PITPNC1: variants seen among roughly 807,000 people sequenced by gnomAD.
PITPNC1 encodes the protein phosphatidylinositol transfer protein cytoplasmic 1.
Under a neutral mutation model 44.7 loss-of-function variants are expected in PITPNC1, and 18 were observed. The observed-to-expected ratio is 0.40, with a 90% CI of 0.28 to 0.60. The LOEUF (loss-of-function observed/expected upper bound fraction) is 0.60, where lower values mean the gene tolerates loss of function less well. Among genes scored for constraint, PITPNC1 ranks in the 20% least tolerant of loss-of-function variants. The pLI is 0.39. For synonymous variants in PITPNC1, 141 were observed against 149.6 expected, an observed-to-expected ratio of 0.94 and a Z score of 0.42; for missense variants, 290 against 418.4, an observed-to-expected ratio of 0.69 and a Z score of 2.68.
chr17:67,425,203 G>GCACACGCACACACA (rs2038739427), intron 1 of PITPNC1, among the ~76,000 whole-genome samples: 1 of 98,780 alleles, frequency 1.0e-5, no homozygotes, highest in Admixed American at 1.0e-4. Flanking sequence ...GCACGCACAC[G>GCACACGCACACACA]CACACACACA....
chr17:67,684,258 G>A (rs1394413362), intron 8 of PITPNC1, among the ~76,000 whole-genome samples: 2 of 151,518 alleles, frequency 1.3e-5, no homozygotes, highest in African/African-American at 4.8e-5. Context: ...GGTTACGGGT[G>A]TGTGCCACCA....
intron 6 of PITPNC1, among the ~76,000 whole-genome samples, chr17:67,637,371 A>C (rs1415539400): frequency 6.6e-6 from 1 of 152,074 alleles, no homozygotes; most frequent in Admixed American, 6.6e-5. Context: ...CAGCGTCCTA[A>C]ATAGAAACGC....
intron 6 of PITPNC1, among the ~76,000 whole-genome samples, chr17:67,633,352 A>G (rs1285026167): frequency 6.6e-6 from 1 of 152,222 alleles, no homozygotes; most frequent in Non-Finnish European, 1.5e-5. Context: ...TTACGCAAAT[A>G]AACCAGGCTC....
Position 67,555,672 on chromosome 17 carries a change from CAAAAAAAAA to C in PITPNC1, c.294+2068_294+2076del, listed in dbSNP as rs67935513. ...TGAAACCCTGTCTCTACTAAAAATA[CAAAAAAAAA>C]AAAAAAAAAAAAGGTAGTTGGGTGT... On this transcript the variant is annotated intron_variant, in intron 4 of 8. Transcript: ENST00000581322. Among the ~76,000 whole-genome samples the C allele has an allele frequency of 4.6e-4, 36 of 78,150 alleles. 1 individual carries two copies. The highest frequency in any genetic ancestry group is 6.4e-4 in the Admixed American group (5 of 7,828). 51.3% of individuals were successfully genotyped at this position (78,150 alleles called of 152,430 possible). A position where few individuals can be genotyped will look rare whatever the true frequency, so the allele number is the denominator to read the frequency against.
chr17:67,435,839 G>A lies in PITPNC1; in HGVS notation c.48+57637G>A, dbSNP rs145335516. On this transcript the variant is annotated intron_variant, in intron 1 of 8. Coordinates refer to ENST00000581322, the MANE Select transcript of PITPNC1 (RefSeq NM_012417.4). ...TGTACTCCAGCCTGGACAACAGAGC[G>A]GGACTTTGTCTACCACCGCACCCTC... Among the ~76,000 whole-genome samples, 688 of 152,132 alleles carry A rather than the reference G, an allele frequency of 4.5e-3. 4 individuals carry two copies. Among genetic ancestry groups the A allele is most frequent in the South Asian group, 8.1e-3 (39 of 4,816 alleles).
At chr17:67,445,121 CTGTT>C (rs1227272526) in intron 1 of PITPNC1, among the ~76,000 whole-genome samples, 3 of 151,928 alleles carry the variant, frequency 2.0e-5, no homozygotes, top group Admixed American at 1.3e-4. Flanking sequence ...GGGACAAAGT[CTGTT>C]TGGGCAGACA....
chr17:67,493,125 G>A (rs1402714349), intron 1 of PITPNC1, among the ~76,000 whole-genome samples: 1 of 152,154 alleles, frequency 6.6e-6, no homozygotes, highest in Non-Finnish European at 1.5e-5. Flanking sequence ...GTGTGAAATG[G>A]AGAATCCAAT....
chr17:67,408,095 C>T (rs2038428247), intron 1 of PITPNC1, among the ~76,000 whole-genome samples: 1 of 151,708 alleles, frequency 6.6e-6, no homozygotes, highest in South Asian at 2.1e-4. Flanking sequence ...GCTGGGATTA[C>T]AGGCATGCAC....
intron 1 of PITPNC1, among the ~76,000 whole-genome samples, chr17:67,462,425 T>A (rs1277794381): frequency 6.6e-6 from 1 of 151,808 alleles, no homozygotes; most frequent in African/African-American, 2.4e-5. Context: ...AGAAATGGGG[T>A]TTCACTATGT....
chr17:67,389,473 T>C (rs2038104362), intron 1 of PITPNC1, among the ~76,000 whole-genome samples: 1 of 152,212 alleles, frequency 6.6e-6, no homozygotes, highest in South Asian at 2.1e-4. Flanking sequence ...TCCTGCTCTG[T>C]GCCGGGTGCT....
intron 2 of PITPNC1, among the ~76,000 whole-genome samples, chr17:67,538,471 A>G (rs918007590): frequency 2.0e-5 from 3 of 152,170 alleles, no homozygotes; most frequent in Non-Finnish European, 4.4e-5. Context: ...GTGGTGGCAC[A>G]CAGCTGTGGT....
chr17:67,522,774 C>T (rs148458139), intron 1 of PITPNC1, among the ~76,000 whole-genome samples: 16 of 151,418 alleles, frequency 1.1e-4, no homozygotes, highest in Non-Finnish European at 4.4e-5. Context: ...GCGATCATCC[C>T]GCCTCAGCCT....
rs781598435 is a variant in PITPNC1 at position 67,632,177 on chromosome 17, A to T, written c.401A>T (p.Glu134Val). The change falls in exon 6 of 9, where the codon GAA (glutamate) becomes GTA (valine). Residue 134 changes from glutamate to valine, a missense_variant. Transcript: ENST00000581322. Reference sequence around the variant, plus strand: ...AATGAAGCCAAAGACGTGGAGAGAGAAGTTTGCTTTATTGATATTGCCTGC... The same window carrying T: ...AATGAAGCCAAAGACGTGGAGAGAGTAGTTTGCTTTATTGATATTGCCTGC... ...FDNEAKDVER[E>V]VCFIDIACDE... 6.2e-7 allele frequency: 1 copy of T among 1,613,120 alleles called. No individual in the cohort carries two copies. The highest frequency in any genetic ancestry group is 8.5e-7 in the Non-Finnish European group (1 of 1,179,212).
rs150554701 is a variant in PITPNC1, at chr17:67,529,776, G to A, written c.49-3026G>A. Among the ~76,000 whole-genome samples the A allele has an allele frequency of 4.3e-3, 656 of 152,200 alleles. 6 individuals carry two copies. Among genetic ancestry groups the A allele is most frequent in the African/African-American group, 0.015 (617 of 41,530 alleles). On this transcript the variant is annotated intron_variant, in intron 1 of 8. Transcript: ENST00000581322. ...AGCCTGGCCAACATGGTGAAACCCC[G>A]TCTCTACTAAAAATATAAAAATTAG...
intron 5 of PITPNC1, among the ~76,000 whole-genome samples, chr17:67,629,156 GATTTTGCCACCA>G (rs1406223230): frequency 6.6e-6 from 1 of 151,520 alleles, no homozygotes; most frequent in Non-Finnish European, 1.5e-5. Flanking sequence ...GAGTCCTGTA[GATTTTGCCACCA>G]ATAAATGTCA....
intron 1 of PITPNC1, among the ~76,000 whole-genome samples, chr17:67,447,369 T>TTTTGGGAGG (rs2039113435): frequency 6.6e-6 from 1 of 151,872 alleles, no homozygotes; most frequent in Non-Finnish European, 1.5e-5. Context: ...GGTTCTCCTG[T>TTTTGGGAGG]CCAGCCTGCT....
intron 5 of PITPNC1, among the ~76,000 whole-genome samples, chr17:67,614,545 G>A (rs956442596): frequency 1.3e-5 from 2 of 151,582 alleles, no homozygotes; most frequent in East Asian, 1.9e-4. Flanking sequence ...GGTGGCACAT[G>A]GCTGTAGTCC....
At chr17:67,590,965 A>C (rs1400304783) in intron 5 of PITPNC1, among the ~76,000 whole-genome samples, 1 of 151,668 alleles carries the variant, frequency 6.6e-6, no homozygotes, top group African/African-American at 2.4e-5. Flanking sequence ...AAAAAAAAAA[A>C]AGAAAGAAAG....
chr17:67,559,768 T>C (rs894530128), intron 4 of PITPNC1, among the ~76,000 whole-genome samples: 5 of 152,084 alleles, frequency 3.3e-5, no homozygotes, highest in African/African-American at 1.2e-4. Flanking sequence ...ATGCCTGTAA[T>C]CCCAGCTCCT....
Sources: gnomAD v4.1 joint callset for allele counts (sites outside exome capture counted in the v4.1 genomes callset) on GRCh38, gnomAD v4.1.1 for gene constraint, MANE v1.5 for transcripts, NCBI Gene and HGNC (gene_info 2026-07-23, HGNC 2026-07-21) for gene names.